HPS5: variants seen among roughly 807,000 people sequenced by gnomAD.
HPS5 encodes the protein BLOC-2 complex member HPS5.
Under a neutral mutation model 128.0 loss-of-function variants are expected in HPS5, and 83 were observed. The ratio of observed to expected loss-of-function variants is 0.65; its 90% CI spans 0.54 to 0.78. HPS5 has a LOEUF of 0.78. Ranked by LOEUF, HPS5 falls within the 30% of genes least tolerant of loss-of-function variation. The pLI, the probability that HPS5 is intolerant of heterozygous loss-of-function variation, is 0.00. For synonymous variants in HPS5, 475 were observed against 470.2 expected, an observed-to-expected ratio of 1.01 and a Z score of -0.13; for missense variants, 1,281 against 1,326.2, an observed-to-expected ratio of 0.97 and a Z score of 0.53.
Position 18,296,997 on chromosome 11 carries a change from A to G in HPS5, c.1324-13T>C, listed in dbSNP as rs528401002. ...TGCTGAAACTTTCCTAAAAATTAAA[A>G]GAATTCAAAAAAAAAAAAAGGTAAA... On this transcript the variant is annotated splice_polypyrimidine_tract_variant and intron_variant, in intron 11 of 22. Transcript: ENST00000349215. The G allele has an allele frequency of 7.8e-6, 12 of 1,539,660 alleles. No homozygotes were observed. In the East Asian group the frequency reaches 2.7e-4, roughly 35 times the overall value.
chr11:18,296,010 A>G lies in HPS5; in HGVS notation c.1623T>C (p.Ala541=). ...ACTAATTGGTTTACCTTTCTTTGAC[A>G]GCCTGAAGAGACACAAGAGGAGATG... is the stretch of plus-strand genomic sequence containing the variant. ...RSPSPLVSLQ[A]VKESVSSFVR... Residue 541 remains alanine, a synonymous_variant, in exon 13 of 23, where the codon GCT becomes GCC. Transcript: ENST00000349215. 6.2e-7 allele frequency: 1 copy of G among 1,613,766 alleles called. No individual in the cohort carries two copies.
At chr11:18,282,712 CG>C (rs1465884454) in intron 21 of HPS5, among the ~76,000 whole-genome samples, 1 of 151,782 alleles carries the variant, frequency 6.6e-6, no homozygotes, top group African/African-American at 2.4e-5. Flanking sequence ...AACTTAAACA[CG>C]TAAGTATATA....
intron 20 of HPS5, 147 bp from the exon 21 acceptor site, chr11:18,284,048 G>A: frequency 1.3e-5 from 8 of 636,542 alleles, no homozygotes; most frequent in South Asian, 1.1e-4. Flanking sequence ...CAGTTTTTCA[G>A]TTAATATATT....
intron 8 of HPS5, among the ~76,000 whole-genome samples, chr11:18,303,494 T>C (rs1351065457): frequency 6.6e-6 from 1 of 152,208 alleles, no homozygotes; most frequent in Admixed American, 6.5e-5. Flanking sequence ...GCTTTTTGTC[T>C]ACCATGGTAG....
intron 8 of HPS5, among the ~76,000 whole-genome samples, chr11:18,301,629 G>T (rs1242292696): frequency 1.3e-5 from 2 of 152,084 alleles, no homozygotes; most frequent in Non-Finnish European, 2.9e-5. Flanking sequence ...ACTCTAGTGA[G>T]ACACTTTTAA....
At chr11:18,300,397 G>A (rs1386838118) in intron 9 of HPS5, among the ~76,000 whole-genome samples, 1 of 152,058 alleles carries the variant, frequency 6.6e-6, no homozygotes, top group Admixed American at 6.6e-5. Context: ...TAAAAGAAAC[G>A]TAACTGGGCA....
chr11:18,280,179 C>T (rs1254482887), intron 22 of HPS5, among the ~76,000 whole-genome samples: 9 of 152,134 alleles, frequency 5.9e-5, no homozygotes, highest in African/African-American at 1.4e-4. Flanking sequence ...GCAACAACAA[C>T]GAAAACACCC....
chr11:18,289,847 G>A (rs1369926184), intron 16 of HPS5, among the ~76,000 whole-genome samples: 1 of 152,240 alleles, frequency 6.6e-6, no homozygotes, highest in African/African-American at 2.4e-5. Flanking sequence ...AATGCATATA[G>A]TTTTTAGGGT....
intron 1 of HPS5, among the ~76,000 whole-genome samples, chr11:18,318,983 T>C (rs962647579): frequency 6.6e-6 from 1 of 152,042 alleles, no homozygotes; most frequent in African/African-American, 2.4e-5. Context: ...AACACAATCT[T>C]ATTTTCTGCT....
intron 3 of HPS5, 69 bp from the exon 4 acceptor site, chr11:18,311,520 T>A (rs1390519401): frequency 2.2e-6 from 2 of 924,840 alleles, no homozygotes; most frequent in African/African-American, 1.8e-5. Flanking sequence ...TATTTTTTTT[T>A]TTTTTTTTGA....
chr11:18,290,476 C>A (rs1408528803), intron 16 of HPS5, among the ~76,000 whole-genome samples: 1 of 152,208 alleles, frequency 6.6e-6, no homozygotes, highest in Non-Finnish European at 1.5e-5. Context: ...ATCTGCCACA[C>A]AATAAGTACC....
intron 22 of HPS5, chr11:18,280,755 A>G: frequency 1.9e-6 from 1 of 515,042 alleles, no homozygotes; most frequent in Non-Finnish European, 3.4e-6. Flanking sequence ...ATAAACCTTT[A>G]GGATGCTATG....
At chr11:18,304,523 C>G (rs1862127285) in intron 8 of HPS5, among the ~76,000 whole-genome samples, 1 of 152,154 alleles carries the variant, frequency 6.6e-6, no homozygotes, top group African/African-American at 2.4e-5. Flanking sequence ...TTATAATTCA[C>G]TTTTAAATAC....
At chr11:18,288,820 CGT>C (rs1395757424) in intron 16 of HPS5, among the ~76,000 whole-genome samples, 2 of 150,910 alleles carry the variant, frequency 1.3e-5, no homozygotes, top group African/African-American at 4.9e-5. Context: ...TGCGCACATG[CGT>C]GTGTGGAGAG....
intron 16 of HPS5, among the ~76,000 whole-genome samples, chr11:18,289,975 T>C (rs1008202010): frequency 7.2e-5 from 11 of 152,250 alleles, no homozygotes; most frequent in African/African-American, 2.7e-4. Context: ...TCTTCACCTA[T>C]ATTCATTCTT....
chr11:18,313,931 C>T (rs1030563153), intron 2 of HPS5, among the ~76,000 whole-genome samples: 117 of 138,660 alleles, frequency 8.4e-4, no homozygotes, highest in African/African-American at 2.8e-3. Flanking sequence ...AAAAAAAGGC[C>T]GGGTGCGGTG....
chr11:18,314,358 G>A (rs10832919), intron 2 of HPS5: 65,704 of 151,976 alleles, frequency 0.43, 16,093 homozygotes, highest in East Asian at 0.59. Flanking sequence ...GCAAAACCCC[G>A]TCTCCACTAA....
At position 18,304,970 on chromosome 11, in the gene HPS5, T is replaced by C. The variant is rs534027537; in HGVS notation, c.896+452A>G. Among the ~76,000 whole-genome samples the C allele has an allele frequency of 3.9e-5, 6 of 152,338 alleles. No homozygotes were observed. The South Asian group carries it at 1.2e-3, about 32-fold the overall frequency. ...TATGGCTGAAACTGCCTCCAGCAGA[T>C]CTTTCATGCAAGCATTTGTCAGAGT... On this transcript the variant is annotated intron_variant, in intron 8 of 22. Coordinates refer to ENST00000349215, the MANE Select transcript of HPS5 (RefSeq NM_181507.2).
rs547880287 is a variant in HPS5, at chr11:18,298,919, T to C, written c.1037A>G (p.Asn346Ser). 365 of 1,614,194 alleles carry C rather than the reference T, an allele frequency of 2.3e-4. 5 individuals are homozygous for C. The South Asian group carries it at 3.9e-3, about 17-fold the overall frequency. The change falls in exon 10 of 23, where the codon AAT (asparagine) becomes AGT (serine). Residue 346 changes from asparagine (N) to serine (S), a missense_variant. By Grantham distance (46) the Asn-to-Ser change is conservative. Transcript: ENST00000349215. ...CRNELFCLHLNGKVSHLSLIS... is the reference protein window; with the variant it reads ...CRNELFCLHLSGKVSHLSLIS... ...CAGGGAGAGATGTGAGACTTTCCCA[T>C]TTAGGTGCAAACAGAACAATTCATT...
Sources: gnomAD v4.1 joint callset for allele counts (sites outside exome capture counted in the v4.1 genomes callset) on GRCh38, gnomAD v4.1.1 for gene constraint, MANE v1.5 for transcripts, NCBI Gene and HGNC (gene_info 2026-07-23, HGNC 2026-07-21) for gene names.